Variants in PTPRN2 observed in about 807,000 individuals in gnomAD.
The protein encoded by PTPRN2 is receptor-type tyrosine-protein phosphatase N2.
A neutral mutation model predicts 118.8 loss-of-function variants in PTPRN2; 74 were observed. That is an observed-to-expected ratio of 0.62 (90% CI 0.52 to 0.76). The LOEUF (loss-of-function observed/expected upper bound fraction) is 0.76, where lower values mean the gene tolerates loss of function less well. PTPRN2 is among the 30% of genes least tolerant of loss of function. PTPRN2 has a pLI of 0.00. For missense variants in PTPRN2, 1,481 were observed against 1,394.4 expected, an observed-to-expected ratio of 1.06 and a Z score of -0.99; for synonymous variants, 641 against 608.0, an observed-to-expected ratio of 1.05 and a Z score of -0.80.
intron 9 of PTPRN2, among the ~76,000 whole-genome samples, chr7:158,127,481 C>T (rs1817795699): frequency 1.3e-5 from 2 of 152,168 alleles, no homozygotes; most frequent in Admixed American, 1.3e-4. Flanking sequence ...CTCGGGGCTG[C>T]CGTGGGACCC....
intron 6 of PTPRN2, among the ~76,000 whole-genome samples, chr7:158,151,091 AAACCGCCCGCCTTTCTGCTCCTACCC>A (rs1821013259): frequency 1.2e-4 from 1 of 8,246 alleles, no homozygotes; most frequent in Non-Finnish European, 3.2e-4. Context: ...CTGCCTGCCC[AAACCGCCCGCCTTTCTGCTCCTACCC>A]CTGCCCACAC....
chr7:158,511,671 A>G (rs779686517), intron 1 of PTPRN2, among the ~76,000 whole-genome samples: 2 of 152,190 alleles, frequency 1.3e-5, no homozygotes, highest in Non-Finnish European at 2.9e-5. Flanking sequence ...GTTTCCGGCT[A>G]AGCGTCATGT....
At chr7:158,136,161 C>T (rs1205916155) in intron 8 of PTPRN2, among the ~76,000 whole-genome samples, 2 of 152,194 alleles carry the variant, frequency 1.3e-5, no homozygotes, top group Admixed American at 6.5e-5. Context: ...AACGTGCCGC[C>T]GACCTGAACC....
chr7:157,675,024 T>G (rs1333317890), intron 13 of PTPRN2, among the ~76,000 whole-genome samples: 1 of 152,150 alleles, frequency 6.6e-6, no homozygotes, highest in East Asian at 1.9e-4. Flanking sequence ...TGGGTGGGAC[T>G]TGCCTCTTGC....
intron 3 of PTPRN2, among the ~76,000 whole-genome samples, chr7:158,256,924 C>T (rs1403224500): frequency 3.9e-5 from 6 of 152,090 alleles, no homozygotes; most frequent in African/African-American, 7.2e-5. Context: ...TCTGCCAAAA[C>T]GAGGAATAAG....
chr7:157,904,367 G>A (rs562047887), intron 11 of PTPRN2, among the ~76,000 whole-genome samples: 1 of 152,324 alleles, frequency 6.6e-6, no homozygotes, highest in East Asian at 1.9e-4. Context: ...TATGCTCCCG[G>A]TGTCACTGCT....
rs1250898727 is a variant in PTPRN2 at position 157,815,606 on chromosome 7, TC to T, written c.1788+83066del. Among the ~76,000 whole-genome samples the T allele has an allele frequency of 2.0e-5, 3 of 152,164 alleles. No homozygotes were observed. The East Asian group carries it at 5.8e-4, about 29-fold the overall frequency. ...ATGACGTCATGGGAGTTGGCCCTAG[TC>T]CAGTGTTGCTGGCATCCTTTTAAAG... On this transcript the variant is annotated intron_variant, in intron 12 of 22. Transcript: ENST00000389418.
chr7:158,114,256 G>A (rs1816543885), intron 9 of PTPRN2, among the ~76,000 whole-genome samples: 1 of 152,124 alleles, frequency 6.6e-6, no homozygotes, highest in African/African-American at 2.4e-5. Context: ...CACCAGGAAT[G>A]CAGATGCCCC....
chr7:158,252,521 A>AG (rs1292431421), intron 3 of PTPRN2, among the ~76,000 whole-genome samples: 1 of 152,092 alleles, frequency 6.6e-6, no homozygotes, highest in East Asian at 1.9e-4. Context: ...ACTACCCCCC[A>AG]GCCCCAGCCC....
intron 12 of PTPRN2, among the ~76,000 whole-genome samples, chr7:157,694,997 C>A (rs543190734): frequency 6.6e-6 from 1 of 152,126 alleles, no homozygotes; most frequent in African/African-American, 2.4e-5. Flanking sequence ...TCTCCAAGAC[C>A]TACAAAATAG....
At chr7:158,066,201 G>C (rs1271573197) in intron 11 of PTPRN2, among the ~76,000 whole-genome samples, 1 of 152,226 alleles carries the variant, frequency 6.6e-6, no homozygotes, top group Non-Finnish European at 1.5e-5. Flanking sequence ...CAGCAAGATG[G>C]TGTGCCCCCT....
rs556013465 is a variant in PTPRN2, at chr7:157,632,690, G to T, written c.2197-11181C>A. Reference sequence around the variant, plus strand: ...ACAGAGGCATCACTTTGTATTTCAGGCTGTCATTCTCAGAGAAGCGCAAAG... The same window carrying T: ...ACAGAGGCATCACTTTGTATTTCAGTCTGTCATTCTCAGAGAAGCGCAAAG... On this transcript the variant is annotated intron_variant, in intron 14 of 22. Coordinates refer to ENST00000389418, the MANE Select transcript of PTPRN2 (RefSeq NM_002847.5). This position sits in a 1 kb window ranked among gnomAD's most constrained non-coding sequence, Gnocchi z 4.3. Among the ~76,000 whole-genome samples the T allele has an allele frequency of 2.0e-5, 3 of 152,242 alleles. No individual in the cohort carries two copies. The South Asian group carries it at 6.2e-4, about 32-fold the overall frequency.
At chr7:158,270,787 C>CG (rs562595422) in intron 3 of PTPRN2, among the ~76,000 whole-genome samples, 4,639 of 97,190 alleles carry the variant, frequency 0.048, 418 homozygotes, top group Middle Eastern at 0.072. Context: ...TGGACCACCC[C>CG]TCCACCTGGA....
intron 6 of PTPRN2, among the ~76,000 whole-genome samples, chr7:158,149,824 C>G (rs935150312): frequency 2.0e-5 from 3 of 149,172 alleles, no homozygotes; most frequent in Non-Finnish European, 4.5e-5. Flanking sequence ...AAAAGATAAA[C>G]CCAAGTGATG....
At chr7:157,947,417 C>G (rs1800553630) in intron 11 of PTPRN2, among the ~76,000 whole-genome samples, 2 of 152,150 alleles carry the variant, frequency 1.3e-5, no homozygotes, top group Non-Finnish European at 2.9e-5. Flanking sequence ...GCTTGCCCAC[C>G]TATTATTCCC....
intron 14 of PTPRN2, among the ~76,000 whole-genome samples, chr7:157,637,242 A>T (rs1476447426): frequency 6.6e-6 from 1 of 152,226 alleles, no homozygotes; most frequent in African/African-American, 2.4e-5. Context: ...TTCCAAACAG[A>T]TCATAGGAAA....
At chr7:157,999,965 C>A (rs1386832538) in intron 11 of PTPRN2, among the ~76,000 whole-genome samples, 2 of 152,068 alleles carry the variant, frequency 1.3e-5, no homozygotes, top group African/African-American at 4.8e-5. Flanking sequence ...CAGCTCACTG[C>A]AACCTCCACC....
intron 11 of PTPRN2, among the ~76,000 whole-genome samples, chr7:158,053,458 C>T (rs761367981): frequency 9.9e-5 from 15 of 151,992 alleles, no homozygotes; most frequent in South Asian, 2.1e-4. Context: ...GGGAAAACAG[C>T]GAAGACAGAA....
chr7:158,057,083 G>A (rs890910204), intron 11 of PTPRN2, among the ~76,000 whole-genome samples: 3 of 152,228 alleles, frequency 2.0e-5, no homozygotes, highest in Non-Finnish European at 2.9e-5. Context: ...ACTCGGGGAC[G>A]CTGCCCAGCT....
Sources: allele counts gnomAD v4.1 joint callset (sites outside exome capture counted in the v4.1 genomes callset), GRCh38; gene constraint gnomAD v4.1.1; non-coding constraint Gnocchi (gnomAD v3.1); transcripts MANE v1.5; gene names NCBI Gene and HGNC (gene_info 2026-07-23, HGNC 2026-07-21).